The following FHIT variants were observed in gnomAD, a reference collection of about 807,000 sequenced individuals.
FHIT encodes the protein bis(5'-adenosyl)-triphosphatase.
FHIT carries 19 observed loss-of-function variants against 17.9 expected under a neutral mutation model. That is an observed-to-expected ratio of 1.06 (90% CI 0.74 to 1.56). The LOEUF is 1.56. Ranked by LOEUF, FHIT falls within the 40% of genes most tolerant of loss-of-function variation. FHIT has a pLI of 0.00. For missense variants in FHIT, 248 were observed against 189.2 expected (o/e 1.31, Z -1.82); for synonymous variants, 81 against 69.7 (o/e 1.16, Z -0.81).
At chr3:60,395,487 A>C (rs1701402213) in intron 5 of FHIT, among the ~76,000 whole-genome samples, 1 of 152,188 alleles carries the variant, frequency 6.6e-6, no homozygotes, top group African/African-American at 2.4e-5. Flanking sequence ...CAGTAAAAGA[A>C]AAGTGAGATG....
intron 3 of FHIT, among the ~76,000 whole-genome samples, chr3:60,940,349 T>C (rs1455234854): frequency 2.0e-5 from 3 of 149,494 alleles, no homozygotes; most frequent in Non-Finnish European, 2.9e-5. Flanking sequence ...TAGAACAAAA[T>C]CTAAAGAAGA....
intron 1 of FHIT, among the ~76,000 whole-genome samples, chr3:61,234,023 AAT>A (rs1394851703): frequency 3.3e-5 from 5 of 152,368 alleles, no homozygotes; most frequent in Middle Eastern, 3.4e-3. Flanking sequence ...CCTATTAAAT[AAT>A]ACATGACACA....
intron 2 of FHIT, among the ~76,000 whole-genome samples, chr3:61,105,765 T>C (rs1172048649): frequency 1.3e-5 from 2 of 152,176 alleles, no homozygotes; most frequent in Non-Finnish European, 2.9e-5. Flanking sequence ...CCTATCAACA[T>C]AATTTGGGAA....
chr3:60,365,559 C>T (rs1700074751), intron 5 of FHIT, among the ~76,000 whole-genome samples: 1 of 152,276 alleles, frequency 6.6e-6, no homozygotes, highest in African/African-American at 2.4e-5. Context: ...TTTCTTCCTT[C>T]ATAATTCAGT....
chr3:60,167,630 GCA>G (rs1343428196), intron 5 of FHIT, among the ~76,000 whole-genome samples: 1 of 152,198 alleles, frequency 6.6e-6, no homozygotes, highest in Non-Finnish European at 1.5e-5. Flanking sequence ...TGAATGAACT[GCA>G]CAGTCTTCAT....
chr3:60,263,878 T>G (rs189857538), intron 5 of FHIT, among the ~76,000 whole-genome samples: 1 of 151,444 alleles, frequency 6.6e-6, no homozygotes, highest in African/African-American at 2.4e-5. Flanking sequence ...ATTAGAATAA[T>G]TGGCAGTCTC....
chr3:60,023,884 T>C (rs1020508552), intron 5 of FHIT, among the ~76,000 whole-genome samples: 1 of 152,156 alleles, frequency 6.6e-6, no homozygotes, highest in East Asian at 1.9e-4. Context: ...TTCTAATGAA[T>C]AATTTCTTCA....
chr3:60,449,570 T>C lies in FHIT; in HGVS notation c.103+87290A>G, dbSNP rs552685695. On this transcript the variant is annotated intron_variant, in intron 5 of 9. Transcript: ENST00000492590. ...AACCTAGATGGTGCAGCCTACTACA[T>C]ACCCAGGCTATATGGTATAGCCTAT... 1.2e-3 allele frequency among the ~76,000 whole-genome samples: 177 copies of C among 152,172 alleles called. 3 individuals carry two copies. Among genetic ancestry groups the C allele is most frequent in the African/African-American group, 3.9e-3 (161 of 41,526 alleles).
At chr3:60,699,596 T>C (rs2041192031) in intron 4 of FHIT, among the ~76,000 whole-genome samples, 1 of 146,300 alleles carries the variant, frequency 6.8e-6, no homozygotes. Flanking sequence ...AAAAGCATTA[T>C]CGTTAGTGGG....
rs530657985 is a variant in FHIT at position 60,370,388 on chromosome 3, C to A, written c.103+166472G>T. On this transcript the variant is annotated intron_variant, in intron 5 of 9. Transcript: ENST00000492590. ...CTATTCATACTCCAGAACCTCTCGC[C>A]CAATAAAATTATCTCCTCCCAGGGC... Among the ~76,000 whole-genome samples the A allele has an allele frequency of 7.2e-4, 109 of 152,222 alleles. No individual in the cohort carries two copies. In the Middle Eastern group the frequency reaches 0.01, roughly 14 times the overall value.
At chr3:60,852,345 T>C (rs1382778993) in intron 3 of FHIT, among the ~76,000 whole-genome samples, 9 of 152,082 alleles carry the variant, frequency 5.9e-5, no homozygotes, top group African/African-American at 1.7e-4. Context: ...CCAGCCTCCA[T>C]AGTCACAAGA....
At chr3:60,464,302 A>T (rs1018612467) in intron 5 of FHIT, among the ~76,000 whole-genome samples, 1 of 152,194 alleles carries the variant, frequency 6.6e-6, no homozygotes, top group Non-Finnish European at 1.5e-5. Flanking sequence ...AATACAATAC[A>T]TAATAATCAC....
At chr3:60,664,253 C>T (rs1553691899) in intron 4 of FHIT, among the ~76,000 whole-genome samples, 1 of 151,854 alleles carries the variant, frequency 6.6e-6, no homozygotes, top group Non-Finnish European at 1.5e-5. Flanking sequence ...TCTTCTGTAG[C>T]TTATTTCTAT....
At chr3:60,528,362 T>C (rs1170951228) in intron 5 of FHIT, among the ~76,000 whole-genome samples, 3 of 152,036 alleles carry the variant, frequency 2.0e-5, no homozygotes, top group Non-Finnish European at 4.4e-5. Flanking sequence ...ATTAGTTATA[T>C]GTATATAAAT....
intron 2 of FHIT, among the ~76,000 whole-genome samples, chr3:61,178,481 T>C (rs1218752585): frequency 4.7e-5 from 7 of 150,128 alleles, no homozygotes; most frequent in Admixed American, 6.7e-5. Context: ...TTCCAGAATA[T>C]AGTAATCTAG....
At chr3:59,909,843 A>C (rs1704782962) in intron 8 of FHIT, among the ~76,000 whole-genome samples, 1 of 152,364 alleles carries the variant, frequency 6.6e-6, no homozygotes, top group Admixed American at 6.5e-5. Flanking sequence ...CCTTCACATT[A>C]TCAAATTATT....
chr3:59,985,908 G>A (rs980040767), intron 7 of FHIT, among the ~76,000 whole-genome samples: 1 of 151,928 alleles, frequency 6.6e-6, no homozygotes, highest in African/African-American at 2.4e-5. Context: ...TACATTTATA[G>A]AGCCTGGTCC....
intron 5 of FHIT, among the ~76,000 whole-genome samples, chr3:60,514,540 A>G (rs741752): frequency 0.49 from 75,119 of 152,086 alleles, 18,682 homozygotes; most frequent in Middle Eastern, 0.55. Context: ...TAATGCATGC[A>G]GGGCTTAACA....
intron 3 of FHIT, among the ~76,000 whole-genome samples, chr3:60,979,541 G>A (rs903066891): frequency 1.3e-5 from 2 of 152,144 alleles, no homozygotes; most frequent in African/African-American, 4.8e-5. Flanking sequence ...TACCTCCTCT[G>A]GCAGTTCTCC....
Sources: gnomAD v4.1 joint callset for allele counts (sites outside exome capture counted in the v4.1 genomes callset) on GRCh38, gnomAD v4.1.1 for gene constraint, MANE v1.5 for transcripts, NCBI Gene and HGNC (gene_info 2026-07-23, HGNC 2026-07-21) for gene names.